The following PTPN2 variants were observed in gnomAD, a reference collection of about 807,000 sequenced individuals.
The protein encoded by PTPN2 is tyrosine-protein phosphatase non-receptor type 2.
Under a neutral mutation model 57.3 loss-of-function variants are expected in PTPN2, and 19 were observed. The ratio of observed to expected loss-of-function variants is 0.33; its 90% CI spans 0.23 to 0.49. The LOEUF (loss-of-function observed/expected upper bound fraction) is 0.49. Among genes scored for constraint, PTPN2 ranks in the 20% least tolerant of loss-of-function variants. The probability of loss-of-function intolerance (pLI) is 0.99; values close to 1 mark genes in which losing one functional copy is unlikely to be tolerated. For synonymous variants in PTPN2, 153 were observed against 164.9 expected, an observed-to-expected ratio of 0.93 and a Z score of 0.55; for missense variants, 358 against 501.1, an observed-to-expected ratio of 0.71 and a Z score of 2.73.
At chr18:12,791,232 G>T (rs182912228), downstream of PTPN2, among the ~76,000 whole-genome samples, 3 of 152,118 alleles carry the variant, frequency 2.0e-5, no homozygotes, top group African/African-American at 7.2e-5. Flanking sequence ...TAAACCAAAG[G>T]TTGCTGTCAA....
At position 12,794,198 on chromosome 18, in the gene PTPN2, G is replaced by A. The variant is rs138291950; in HGVS notation, c.*80C>T. On this transcript the variant is annotated 3_prime_UTR_variant, in exon 9 of 9. Coordinates refer to ENST00000309660, the MANE Select transcript of PTPN2 (RefSeq NM_002828.4). ...CTGCACCGTTTTTGGGATATGAGGC[G>A]TTTGCTGCAGACAAACCCCTATGAT... 20 of 1,579,150 alleles carry A rather than the reference G, an allele frequency of 1.3e-5. No homozygotes were observed. The highest frequency in any genetic ancestry group is 2.2e-5 in the East Asian group (1 of 44,700).
intron 3 of PTPN2, among the ~76,000 whole-genome samples, chr18:12,835,519 G>A (rs2042832804): frequency 6.6e-6 from 1 of 151,670 alleles, no homozygotes. Flanking sequence ...GGGATTATAG[G>A]TACCCGCCAC....
chr18:12,882,144 T>C (rs574776157), intron 1 of PTPN2, among the ~76,000 whole-genome samples: 1 of 152,296 alleles, frequency 6.6e-6, no homozygotes, highest in African/African-American at 2.4e-5. Flanking sequence ...GGAGAACACA[T>C]AGCTCAAACT....
At chr18:12,847,330 T>C (rs11080605) in intron 2 of PTPN2, among the ~76,000 whole-genome samples, 43,907 of 152,172 alleles carry the variant, frequency 0.29, 6,857 homozygotes, top group South Asian at 0.54. Context: ...GAGCTAATGC[T>C]AACCTGATAT....
rs1364810312 is a variant in PTPN2, at chr18:12,855,530, G to A, written c.160+3634C>T. On this transcript the variant is annotated intron_variant, in intron 2 of 8. Coordinates refer to ENST00000309660, the MANE Select transcript of PTPN2 (RefSeq NM_002828.4). Reference sequence around the variant, plus strand: ...AGTGAGTTTCCAGGTGATAGAACATGAAGCTAAGGTGGTGTTTCCTGATTT... The same window carrying A: ...AGTGAGTTTCCAGGTGATAGAACATAAAGCTAAGGTGGTGTTTCCTGATTT... Among the ~76,000 whole-genome samples the A allele has an allele frequency of 2.0e-5, 3 of 152,122 alleles. No individual in the cohort carries two copies. The East Asian group carries it at 5.8e-4, about 29-fold the overall frequency.
chr18:12,836,676 C>A (rs1254334443), intron 3 of PTPN2, 115 bp downstream of exon 3: 5 of 651,780 alleles, frequency 7.7e-6, no homozygotes, highest in Admixed American at 3.1e-5. Context: ...CAGAAAAAAA[C>A]TGAAATACCA....
chr18:12,875,396 A>G (rs529951223), intron 1 of PTPN2, among the ~76,000 whole-genome samples: 2 of 152,064 alleles, frequency 1.3e-5, no homozygotes, highest in East Asian at 3.8e-4. Flanking sequence ...CTTTAAAGTT[A>G]GCCTGTGGAA....
chr18:12,856,381 C>T (rs901079200), intron 2 of PTPN2, among the ~76,000 whole-genome samples: 7 of 152,198 alleles, frequency 4.6e-5, no homozygotes, highest in African/African-American at 1.7e-4. Flanking sequence ...ATCAGGAGAA[C>T]ATGGCTTACT....
chr18:12,816,907 T>C (rs1230143846), intron 6 of PTPN2, among the ~76,000 whole-genome samples: 4 of 152,162 alleles, frequency 2.6e-5, no homozygotes, highest in South Asian at 4.1e-4. Flanking sequence ...ATTTCTGTAA[T>C]ATAAAGCTAC....
chr18:12,834,533 GAA>G (rs2042784549), intron 3 of PTPN2, among the ~76,000 whole-genome samples: 1 of 152,060 alleles, frequency 6.6e-6, no homozygotes, highest in South Asian at 2.1e-4. Flanking sequence ...GGGTTTTTAT[GAA>G]AGTCTGTTTT....
intron 1 of PTPN2, among the ~76,000 whole-genome samples, chr18:12,864,756 T>A (rs1055223205): frequency 2.6e-5 from 4 of 152,194 alleles, no homozygotes; most frequent in African/African-American, 9.7e-5. Flanking sequence ...CCTAATATTT[T>A]CACATAATAA....
chr18:12,812,431 C>T (rs2041922933), intron 7 of PTPN2, among the ~76,000 whole-genome samples: 1 of 152,108 alleles, frequency 6.6e-6, no homozygotes, highest in South Asian at 2.1e-4. Flanking sequence ...GAAACCCCAT[C>T]TCTACTAAAA....
intron 1 of PTPN2, among the ~76,000 whole-genome samples, chr18:12,870,561 T>C (rs1417346484): frequency 8.0e-6 from 1 of 125,250 alleles, no homozygotes; most frequent in Admixed American, 9.1e-5. Flanking sequence ...CAGGCTGGAG[T>C]GCAGTGGCGC....
intron 3 of PTPN2, among the ~76,000 whole-genome samples, chr18:12,836,306 T>A (rs502763): frequency 6.6e-6 from 1 of 152,110 alleles, no homozygotes; most frequent in Non-Finnish European, 1.5e-5. Context: ...CAAGGCCTTG[T>A]GGCTGGGCCT....
intron 7 of PTPN2, among the ~76,000 whole-genome samples, chr18:12,813,021 T>TAA (rs35939490): frequency 1.4e-5 from 2 of 147,108 alleles, no homozygotes; most frequent in African/African-American, 2.5e-5. Context: ...ACACAAAACT[T>TAA]AAAAAAAAAA....
downstream of PTPN2, chr18:12,788,292 G>A (rs1328615988): frequency 1.3e-5 from 2 of 152,276 alleles, no homozygotes; most frequent in African/African-American, 4.8e-5. Context: ...AGAAAGTCGT[G>A]AAGCAGTTTC....
At chr18:12,820,808 C>A (rs1262205745) in intron 5 of PTPN2, among the ~76,000 whole-genome samples, 1 of 152,254 alleles carries the variant, frequency 6.6e-6, no homozygotes, top group African/African-American at 2.4e-5. Context: ...ATGTATACTA[C>A]ATTCTGCACA....
chr18:12,861,040 T>C (rs1487171112), intron 1 of PTPN2, among the ~76,000 whole-genome samples: 1 of 152,204 alleles, frequency 6.6e-6, no homozygotes, highest in Admixed American at 6.5e-5. Context: ...AGGGTCTCAC[T>C]TTTTGCCCAG....
intron 2 of PTPN2, among the ~76,000 whole-genome samples, chr18:12,852,191 AACACACACACACAC>A (rs139964591): frequency 6.2e-4 from 87 of 140,410 alleles, no homozygotes; most frequent in Non-Finnish European, 5.9e-4. Context: ...ATGGGTTTTT[AACACACACACACAC>A]ACACACACAC....
Sources: allele counts gnomAD v4.1 joint callset (sites outside exome capture counted in the v4.1 genomes callset), GRCh38; gene constraint gnomAD v4.1.1; transcripts MANE v1.5; gene names NCBI Gene and HGNC (gene_info 2026-07-23, HGNC 2026-07-21).